The following P2RX5 variants were observed in gnomAD, a reference collection of about 807,000 sequenced individuals.
P2RX5 encodes the protein purinergic receptor P2X 5, also known as P2X purinoceptor 5.
P2RX5 carries 46 observed loss-of-function variants against 54.1 expected under a neutral mutation model. That is an observed-to-expected ratio of 0.85 (90% CI 0.67 to 1.09). P2RX5 has a LOEUF of 1.09. P2RX5 is among the 50% of genes least tolerant of loss of function. The pLI is 0.00. For missense variants in P2RX5, 566 were observed against 549.8 expected (o/e 1.03, Z -0.29); for synonymous variants, 226 against 226.4 (o/e 1.00, Z 0.02).
chr17:3,690,715 T>C (rs552774403), intron 3 of P2RX5, 35 bp from the exon 4 acceptor site: 41 of 1,596,462 alleles, frequency 2.6e-5, no homozygotes, highest in Non-Finnish European at 3.4e-5. Context: ...GATGGGGGGG[T>C]TCCCCCAGCT....
At chr17:3,681,731 G>A (rs1356917864) in intron 10 of P2RX5, among the ~76,000 whole-genome samples, 165 bp downstream of exon 10, 1 of 152,156 alleles carries the variant, frequency 6.6e-6, no homozygotes, top group Non-Finnish European at 1.5e-5. Flanking sequence ...TGCCGAGGCC[G>A]AATCCGGTTC....
the P2RX5 span, among the ~76,000 whole-genome samples, chr17:3,706,138 A>G: frequency 6.6e-6 from 1 of 151,924 alleles, no homozygotes; most frequent in Non-Finnish European, 1.5e-5. Flanking sequence ...GTATTTTAGT[A>G]GAGACGGGGT....
chr17:3,712,309 C>T, the P2RX5 span, among the ~76,000 whole-genome samples: 1 of 152,140 alleles, frequency 6.6e-6, no homozygotes, highest in Non-Finnish European at 1.5e-5. Flanking sequence ...ATCAGATCAA[C>T]AGGGAAGCAG....
At chr17:3,676,183 G>A in intron 11 of P2RX5, 1 of 985,440 alleles carries the variant, frequency 1.0e-6, no homozygotes, top group Non-Finnish European at 1.2e-6. Context: ...TCTCACCTTG[G>A]GTTTACGGGG....
At chr17:3,706,039 C>G in the P2RX5 span, among the ~76,000 whole-genome samples, 1 of 152,062 alleles carries the variant, frequency 6.6e-6, no homozygotes. Context: ...ACTGTGACCT[C>G]TGTCTCCTGG....
At chr17:3,688,409 G>A (rs966264848) in intron 8 of P2RX5, among the ~76,000 whole-genome samples, 1 of 152,204 alleles carries the variant, frequency 6.6e-6, no homozygotes, top group Non-Finnish European at 1.5e-5. Flanking sequence ...TTCACGGAGA[G>A]AAACAGGCAA....
chr17:3,677,428 C>T, intron 11 of P2RX5: 1 of 985,418 alleles, frequency 1.0e-6, no homozygotes, highest in Non-Finnish European at 1.2e-6. Flanking sequence ...CTGGCTTCCC[C>T]ACTAAGAGCC....
intron 10 of P2RX5, among the ~76,000 whole-genome samples, chr17:3,680,258 C>A (rs1597699775): frequency 1.5e-5 from 2 of 133,692 alleles, no homozygotes; most frequent in Non-Finnish European, 3.2e-5. Flanking sequence ...CTCCACCCTG[C>A]ATCCTCCACC....
chr17:3,679,706 T>C lies in P2RX5; in HGVS notation c.1143A>G (p.Pro381=), dbSNP rs2050185657. ...LGLSEQLTSG[P]GLLGMPEQQE... ...GCTGCTCCGGCATCCCCAGCAGCCC[T>C]GGCCCAGATGTGAGCTGCTCAGATA... The change falls in exon 11 of 12, where the codon CCA becomes CCG. Residue 381 remains proline, a synonymous_variant. Coordinates refer to ENST00000225328, the MANE Select transcript of P2RX5 (RefSeq NM_002561.4). 6.2e-7 allele frequency: 1 copy of C among 1,612,294 alleles called. No homozygotes were observed. Among genetic ancestry groups the C allele is most frequent in the African/African-American group, 1.3e-5 (1 of 74,884 alleles).
At chr17:3,691,874 G>A in intron 1 of P2RX5, 80 bp from the exon 2 acceptor site, 3 of 1,437,656 alleles carry the variant, frequency 2.1e-6, no homozygotes, top group Non-Finnish European at 2.9e-6. Flanking sequence ...GGGTGGGGTA[G>A]CAGTCACAGC....
upstream of P2RX5, among the ~76,000 whole-genome samples, chr17:3,699,892 AGGAAGGAAGGAAGGAAGGAAGGAAG>A (rs2050805190): frequency 4.5e-4 from 15 of 33,108 alleles, 1 homozygote; most frequent in East Asian, 7.3e-3. Context: ...GAAGGAAGGA[AGGAAGGAAGGAAGGAAGGAAGGAAG>A]GAAAGAAAGA....
intron 9 of P2RX5, chr17:3,682,302 G>C: frequency 2.5e-5 from 10 of 397,774 alleles, no homozygotes; most frequent in South Asian, 2.1e-4. Flanking sequence ...ACCGAAGTAC[G>C]GAGAGGATCT....
intron 11 of P2RX5, chr17:3,676,421 C>T (rs1410402785): frequency 3.1e-5 from 30 of 981,082 alleles, no homozygotes; most frequent in Non-Finnish European, 3.6e-5. Context: ...ACCGGGAGGA[C>T]GGAGGTTGCT....
At chr17:3,678,101 T>A in intron 11 of P2RX5, 1 of 985,376 alleles carries the variant, frequency 1.0e-6, no homozygotes, top group Non-Finnish European at 1.2e-6. Flanking sequence ...CTGCAGCTGC[T>A]CCAAATTCAC....
rs370575974 is a variant in P2RX5, at chr17:3,695,098, C to T, written c.137+771G>A. 1.4e-4 allele frequency among the ~76,000 whole-genome samples: 21 copies of T among 152,308 alleles called. No individual in the cohort carries two copies. The East Asian group carries it at 3.5e-3, about 25-fold the overall frequency. On this transcript the variant is annotated intron_variant, in intron 1 of 11. Transcript: ENST00000225328. ...GGAGGAAGCAGGAGGAACTCCACCG[C>T]ATTTACTGAACGAGTGGAATGAGGC...
At chr17:3,688,574 T>C in intron 8 of P2RX5, 52 bp downstream of exon 8, 1 of 1,607,232 alleles carries the variant, frequency 6.2e-7, no homozygotes, top group African/African-American at 1.3e-5. Context: ...CCCAGATGAG[T>C]GAGTGCCACT....
In P2RX5 at chr17:3,673,411, T is replaced by G; in HGVS notation, c.*457A>C. The G allele has an allele frequency of 9.4e-7, 1 of 1,061,612 alleles. No homozygotes were observed. The highest frequency in any genetic ancestry group is 1.1e-6 in the Non-Finnish European group (1 of 875,366). 65.8% of individuals were successfully genotyped at this position (1,061,612 alleles called of 1,614,324 possible). On this transcript the variant is annotated 3_prime_UTR_variant, in exon 12 of 12. Coordinates refer to ENST00000225328, the MANE Select transcript of P2RX5 (RefSeq NM_002561.4). ...GAGAGTACTTGGATCCACTGGAGAGTATGCTCTGAGGGAAGCTGCGGCACT... is the reference window on the plus strand; with the variant it reads ...GAGAGTACTTGGATCCACTGGAGAGGATGCTCTGAGGGAAGCTGCGGCACT...
Position 3,691,807 on chromosome 17 carries a change from G to A in P2RX5, c.138-13C>T, listed in dbSNP as rs144498633. On this transcript the variant is annotated splice_polypyrimidine_tract_variant and intron_variant, in intron 1 of 11. Transcript: ENST00000225328. ...CAGGAACACCCATCTGTGGGAAGGGGGCCGGTACGTGGGCATCAGCCACTC... is the reference window on the plus strand; with the variant it reads ...CAGGAACACCCATCTGTGGGAAGGGAGCCGGTACGTGGGCATCAGCCACTC... The A allele has an allele frequency of 1.2e-6, 2 of 1,614,038 alleles. No individual in the cohort carries two copies. The highest frequency in any genetic ancestry group is 1.7e-6 in the Non-Finnish European group (2 of 1,179,994).
intron 7 of P2RX5, 68 bp from the exon 8 acceptor site, chr17:3,688,827 C>T: frequency 6.4e-7 from 1 of 1,564,060 alleles, no homozygotes. Context: ...CCAGGCCAGC[C>T]CTTCACCGGC....
Sources: allele counts gnomAD v4.1 joint callset (sites outside exome capture counted in the v4.1 genomes callset), GRCh38; gene constraint gnomAD v4.1.1; transcripts MANE v1.5; gene names NCBI Gene and HGNC (gene_info 2026-07-23, HGNC 2026-07-21).